The following CDH13 variants were observed in gnomAD, a reference collection of about 807,000 sequenced individuals.
CDH13 encodes cadherin-13.
A neutral mutation model predicts 63.8 loss-of-function variants in CDH13; 24 were observed. The ratio of observed to expected loss-of-function variants is 0.38; its 90% confidence interval spans 0.27 to 0.53. CDH13 has a LOEUF of 0.53. Ranked by LOEUF, CDH13 falls within the 20% of genes least tolerant of loss-of-function variation. The probability of loss-of-function intolerance (pLI) is 0.85; values close to 1 mark genes in which losing one functional copy is unlikely to be tolerated. For missense variants in CDH13, 1,049 were observed against 903.1 expected (o/e 1.16, Z -2.07); for synonymous variants, 503 against 355.3 (o/e 1.42, Z -4.67).
intron 6 of CDH13, among the ~76,000 whole-genome samples, chr16:83,473,845 C>T (rs780514147): frequency 9.2e-5 from 14 of 152,072 alleles, no homozygotes; most frequent in African/African-American, 3.4e-4. Context: ...AGCGGCTTTA[C>T]CTCCCTGGGC....
chr16:82,876,262 G>C (rs1338319568), intron 2 of CDH13, among the ~76,000 whole-genome samples: 1 of 152,154 alleles, frequency 6.6e-6, no homozygotes, highest in Non-Finnish European at 1.5e-5. Context: ...ATCATTACTT[G>C]TATCTCTGCC....
chr16:83,350,202 C>T (rs1425572475), intron 6 of CDH13, among the ~76,000 whole-genome samples: 2 of 152,178 alleles, frequency 1.3e-5, no homozygotes, highest in Non-Finnish European at 2.9e-5. Context: ...CAGGAGCTGG[C>T]TGTAGGTTGT....
At chr16:83,181,103 A>G (rs1393366236) in intron 4 of CDH13, 3 of 1,146,268 alleles carry the variant, frequency 2.6e-6, no homozygotes, top group African/African-American at 1.6e-5. Flanking sequence ...AATTTTGATC[A>G]CATTATTGGG....
chr16:82,883,775 G>T (rs1350572483), intron 2 of CDH13, among the ~76,000 whole-genome samples: 2 of 152,134 alleles, frequency 1.3e-5, no homozygotes. Flanking sequence ...GGCATTTCAT[G>T]GTCTTCCCCA....
intron 1 of CDH13, among the ~76,000 whole-genome samples, chr16:82,672,474 A>G (rs1469620572): frequency 6.6e-6 from 1 of 152,028 alleles, no homozygotes; most frequent in African/African-American, 2.4e-5. Flanking sequence ...TAATCACTGT[A>G]TTTCTATCAT....
intron 8 of CDH13, among the ~76,000 whole-genome samples, chr16:83,663,287 A>G (rs1417867059): frequency 6.6e-6 from 1 of 152,176 alleles, no homozygotes; most frequent in Non-Finnish European, 1.5e-5. Flanking sequence ...GGGTAGGTTT[A>G]GGTCCCTCAA....
At chr16:83,646,684 C>T (rs1911827875) in intron 8 of CDH13, among the ~76,000 whole-genome samples, 2 of 96,572 alleles carry the variant, frequency 2.1e-5, no homozygotes, top group Admixed American at 1.4e-4. Context: ...AAGAGCAAGA[C>T]TCCGTCTCAA....
chr16:83,678,959 G>A (rs1428515506), intron 10 of CDH13, among the ~76,000 whole-genome samples: 1 of 152,178 alleles, frequency 6.6e-6, no homozygotes, highest in African/African-American at 2.4e-5. Flanking sequence ...AGGACACTCT[G>A]CAAAGTTCAT....
At chr16:83,332,127 C>G (rs1183162785) in intron 5 of CDH13, among the ~76,000 whole-genome samples, 1 of 151,898 alleles carries the variant, frequency 6.6e-6, no homozygotes, top group South Asian at 2.1e-4. Context: ...TAAATTGTTA[C>G]AATATATAAC....
chr16:83,737,560 T>C (rs1911653856), intron 10 of CDH13, among the ~76,000 whole-genome samples: 1 of 152,188 alleles, frequency 6.6e-6, no homozygotes, highest in African/African-American at 2.4e-5. Context: ...CCTATGTTCC[T>C]GAGTTATTCC....
intron 1 of CDH13, among the ~76,000 whole-genome samples, chr16:82,636,634 G>C (rs535559532): frequency 6.6e-6 from 1 of 152,274 alleles, no homozygotes; most frequent in African/African-American, 2.4e-5. Flanking sequence ...CAGCATGTTG[G>C]GTGTAGCCTT....
intron 6 of CDH13, among the ~76,000 whole-genome samples, chr16:83,423,946 C>G (rs1233646120): frequency 6.6e-6 from 1 of 152,212 alleles, no homozygotes; most frequent in African/African-American, 2.4e-5. Context: ...TTTAAGACAT[C>G]TACAAGTAAG....
At chr16:83,054,948 A>C (rs756293521) in intron 3 of CDH13, among the ~76,000 whole-genome samples, 1 of 152,112 alleles carries the variant, frequency 6.6e-6, no homozygotes, top group Non-Finnish European at 1.5e-5. Context: ...GTCATAGAGT[A>C]CATCCAAACA....
chr16:82,820,391 C>T (rs183816925), intron 1 of CDH13, among the ~76,000 whole-genome samples: 2 of 152,260 alleles, frequency 1.3e-5, no homozygotes, highest in South Asian at 2.1e-4. Context: ...CACATTTAAT[C>T]CTTACAACCC....
intron 1 of CDH13, among the ~76,000 whole-genome samples, chr16:82,691,037 G>A (rs556375333): frequency 6.6e-6 from 1 of 152,326 alleles, no homozygotes; most frequent in East Asian, 1.9e-4. Flanking sequence ...GACATGCAGA[G>A]AAACACCTAG....
intron 1 of CDH13, among the ~76,000 whole-genome samples, chr16:82,819,148 G>C (rs1030798594): frequency 6.6e-6 from 1 of 152,194 alleles, no homozygotes; most frequent in Non-Finnish European, 1.5e-5. Context: ...ATTGTTTAGA[G>C]TGTTTTTATT....
intron 2 of CDH13, among the ~76,000 whole-genome samples, chr16:82,888,983 C>G (rs1243095334): frequency 1.3e-5 from 2 of 152,074 alleles, no homozygotes; most frequent in Non-Finnish European, 2.9e-5. Context: ...AATAGATTTC[C>G]TGAACTAACA....
intron 5 of CDH13, among the ~76,000 whole-genome samples, chr16:83,293,982 A>G (rs1049393636): frequency 9.2e-5 from 14 of 152,184 alleles, no homozygotes; most frequent in Non-Finnish European, 1.5e-4. Context: ...GCAGGAGGAG[A>G]AGATTGAAAA....
chr16:83,088,092 A>G (rs2151577009), intron 3 of CDH13, among the ~76,000 whole-genome samples: 1 of 150,728 alleles, frequency 6.6e-6, no homozygotes, highest in Middle Eastern at 3.4e-3. Flanking sequence ...AGAAATATTT[A>G]GAATATTTAG....
Sources: gnomAD v4.1 joint callset for allele counts (sites outside exome capture counted in the v4.1 genomes callset) on GRCh38, gnomAD v4.1.1 for gene constraint, MANE v1.5 for transcripts, NCBI Gene and HGNC (gene_info 2026-07-23, HGNC 2026-07-21) for gene names.